The following RNF125 variants were observed in gnomAD, a reference collection of about 807,000 sequenced individuals.
RNF125 encodes E3 ubiquitin-protein ligase RNF125.
RNF125 carries 21 observed loss-of-function variants against 26.0 expected under a neutral mutation model. That is an observed-to-expected ratio of 0.81 (90% CI 0.57 to 1.16). RNF125 has a LOEUF of 1.16. RNF125 is among the 50% of genes most tolerant of loss of function. RNF125 has a pLI of 0.00. For missense variants in RNF125, 270 were observed against 299.4 expected, an observed-to-expected ratio of 0.90 and a Z score of 0.72; for synonymous variants, 95 against 109.2, an observed-to-expected ratio of 0.87 and a Z score of 0.81.
intron 1 of RNF125, among the ~76,000 whole-genome samples, chr18:32,036,206 C>G (rs2039152454): frequency 6.6e-6 from 1 of 150,906 alleles, no homozygotes; most frequent in African/African-American, 2.4e-5. Flanking sequence ...TAGGGGCTGG[C>G]CACGCTGTTT....
the RNF125 span, among the ~76,000 whole-genome samples, chr18:32,088,663 G>A: frequency 3.3e-5 from 5 of 152,020 alleles, no homozygotes; most frequent in African/African-American, 7.2e-5. Flanking sequence ...TACCATGCCC[G>A]GTTAATTTTT....
At chr18:32,049,970 T>A (rs962816559) in intron 4 of RNF125, among the ~76,000 whole-genome samples, 2 of 152,140 alleles carry the variant, frequency 1.3e-5, no homozygotes, top group African/African-American at 4.8e-5. Context: ...CAAGGAGGGC[T>A]GGGTCCAATG....
At chr18:32,058,850 C>G (rs181655672) in intron 4 of RNF125, among the ~76,000 whole-genome samples, 263 of 152,246 alleles carry the variant, frequency 1.7e-3, no homozygotes, top group Admixed American at 4.3e-3. Flanking sequence ...TAATTTTTAG[C>G]TCCCACAAAT....
At chr18:32,053,783 G>T (rs1221956765) in intron 4 of RNF125, among the ~76,000 whole-genome samples, 1 of 151,630 alleles carries the variant, frequency 6.6e-6, no homozygotes, top group Non-Finnish European at 1.5e-5. Context: ...AAAAAAAATA[G>T]AACTGGAAAG....
At chr18:32,055,465 G>C (rs534615158) in intron 4 of RNF125, among the ~76,000 whole-genome samples, 1 of 152,074 alleles carries the variant, frequency 6.6e-6, no homozygotes, top group Non-Finnish European at 1.5e-5. Flanking sequence ...CACATGGCTG[G>C]GGTGGCCTCA....
intron 4 of RNF125, among the ~76,000 whole-genome samples, chr18:32,050,865 CTTTTTTTTTTTTTTTTTTTTTTT>C (rs531751585): frequency 1.9e-4 from 9 of 46,342 alleles, no homozygotes; most frequent in African/African-American, 6.9e-4. Flanking sequence ...GTCTAGAGTG[CTTTTTTTTTTTTTTTTTTTTTTT>C]TTTTTTTTTT....
downstream of RNF125, among the ~76,000 whole-genome samples, chr18:32,077,334 A>ATTTTTTTTTTTTTTTTTTTTTTTTTTTT (rs552701343): frequency 3.7e-5 from 4 of 107,882 alleles, no homozygotes; most frequent in African/African-American, 6.9e-5. Context: ...CCCTCTCCCC[A>ATTTTTTTTTTTTTTTTTTTTTTTTTTTT]TTTTTTTTTT....
chr18:32,041,965 T>G, intron 2 of RNF125: 1 of 507,114 alleles, frequency 2.0e-6, no homozygotes, highest in Non-Finnish European at 3.5e-6. Context: ...TTCAAGAACT[T>G]AACAGTTGGA....
Position 32,042,178 on chromosome 18 carries a change from G to T in RNF125, c.319-1G>T. 6.2e-7 allele frequency: 1 copy of T among 1,609,298 alleles called. No homozygotes were observed. The highest frequency in any genetic ancestry group is 8.5e-7 in the Non-Finnish European group (1 of 1,176,266). ...TTTATTTTGAATTTGTTTTTATGTAGGTTTGCCTCAGTGAAATGAGGGCAC... is the reference window on the plus strand; with the variant it reads ...TTTATTTTGAATTTGTTTTTATGTATGTTTGCCTCAGTGAAATGAGGGCAC... On this transcript the variant is annotated splice_acceptor_variant, in intron 2 of 5. Transcript: ENST00000217740. LOFTEE classifies it high-confidence loss of function.
chr18:32,050,624 C>T (rs1415155350), intron 4 of RNF125, among the ~76,000 whole-genome samples: 2 of 151,994 alleles, frequency 1.3e-5, no homozygotes, highest in East Asian at 3.9e-4. Context: ...CAGGCATGAG[C>T]CACTAAGCTC....
chr18:32,038,893 G>A (rs2039187990), intron 2 of RNF125, among the ~76,000 whole-genome samples: 1 of 151,826 alleles, frequency 6.6e-6, no homozygotes, highest in Non-Finnish European at 1.5e-5. Flanking sequence ...AGCCTCCCGA[G>A]TAGCTGGGAT....
Position 32,022,854 on chromosome 18 carries a change from CT to C in RNF125, c.164+3831del, listed in dbSNP as rs2038998129. Among the ~76,000 whole-genome samples, 5 of 152,286 alleles carry C rather than the reference CT, an allele frequency of 3.3e-5. 1 individual carries two copies. The South Asian group carries it at 1.0e-3, about 32-fold the overall frequency. ...TGCAAGTCTCCTCCACAAAAGGCAG[CT>C]TTTCAGGGTTATTCCTGTGGGAATA... On this transcript the variant is annotated intron_variant, in intron 1 of 5. Transcript: ENST00000217740.
chr18:32,078,484 A>T, the RNF125 span, among the ~76,000 whole-genome samples: 9 of 152,112 alleles, frequency 5.9e-5, no homozygotes, highest in African/African-American at 2.2e-4. Flanking sequence ...TGAATACATC[A>T]TTCATAGCTG....
intron 5 of RNF125, 31 bp from the exon 6 acceptor site, chr18:32,068,267 G>C: frequency 8.3e-7 from 1 of 1,209,376 alleles, no homozygotes; most frequent in Non-Finnish European, 1.2e-6. Flanking sequence ...TATTGACTCT[G>C]AATATTTCTA....
chr18:32,033,389 A>G (rs1364706223), intron 1 of RNF125, among the ~76,000 whole-genome samples: 1 of 152,028 alleles, frequency 6.6e-6, no homozygotes, highest in Non-Finnish European at 1.5e-5. Flanking sequence ...TTTGCCGAAC[A>G]TGGTGGCACA....
At chr18:32,023,299 T>C (rs1191959717) in intron 1 of RNF125, among the ~76,000 whole-genome samples, 1 of 152,154 alleles carries the variant, frequency 6.6e-6, no homozygotes, top group Non-Finnish European at 1.5e-5. Flanking sequence ...ATTACAGACA[T>C]GCACCACCAC....
At chr18:32,058,707 G>A (rs918452097) in intron 4 of RNF125, among the ~76,000 whole-genome samples, 2 of 152,110 alleles carry the variant, frequency 1.3e-5, no homozygotes, top group African/African-American at 4.8e-5. Flanking sequence ...GCTATGAAAT[G>A]CTAAATCTTA....
rs745809061 is a variant in RNF125 at position 32,031,486 on chromosome 18, G to GAAAAAA, written c.165-5609_165-5604dup. ...CATTGGCATACAACTCAAATTGTGG[G>GAAAAAA]AAAAAAAAAAAAAAAAAAAAAAAAA... On this transcript the variant is annotated intron_variant, in intron 1 of 5. Coordinates refer to ENST00000217740, the MANE Select transcript of RNF125 (RefSeq NM_017831.4). The GAAAAAA allele has an allele frequency of 1.1e-3, 23 of 20,940 alleles. 1 individual carries two copies. Among genetic ancestry groups the GAAAAAA allele is most frequent in the African/African-American group, 2.4e-3 (21 of 8,814 alleles). 1.3% of individuals were successfully genotyped at this position (20,940 alleles called of 1,614,324 possible). A position where few individuals can be genotyped will look rare whatever the true frequency, so the allele number is the denominator to read the frequency against.
In RNF125 at chr18:32,065,934, G is replaced by C; in HGVS notation, c.537G>C (p.Glu179Asp). 6.2e-7 allele frequency: 1 copy of C among 1,613,824 alleles called. No homozygotes were observed. The highest frequency in any genetic ancestry group is 8.5e-7 in the Non-Finnish European group (1 of 1,179,732). ...FCPLCRLIPD[E>D]NPSSFSGSLI... ...CACTTTGCCGTTTAATACCCGATGAGAATCCAAGCAGCTTCAGTGGCAGTT... is the reference window on the plus strand; with the variant it reads ...CACTTTGCCGTTTAATACCCGATGACAATCCAAGCAGCTTCAGTGGCAGTT... The change falls in exon 5 of 6, where the codon GAG becomes GAC. Residue 179 changes from glutamate to aspartate, a missense_variant. Transcript: ENST00000217740.
Sources: allele counts gnomAD v4.1 joint callset (sites outside exome capture counted in the v4.1 genomes callset), GRCh38; gene constraint gnomAD v4.1.1; transcripts MANE v1.5; gene names NCBI Gene and HGNC (gene_info 2026-07-23, HGNC 2026-07-21).